Variants in FGF14 observed in about 807,000 individuals in gnomAD.
FGF14 encodes fibroblast growth factor homologous factor 4.
Under a neutral mutation model 25.5 loss-of-function variants are expected in FGF14, and 5 were observed. The observed-to-expected ratio is 0.20, with a 90% CI of 0.10 to 0.41. The LOEUF is 0.41. Among genes scored for constraint, FGF14 ranks in the 10% least tolerant of loss-of-function variants. The probability of loss-of-function intolerance (pLI) is 1.00; values close to 1 mark genes in which losing one functional copy is unlikely to be tolerated. For missense variants in FGF14, 222 were observed against 320.1 expected (o/e 0.69, Z 2.34); for synonymous variants, 138 against 118.3 (o/e 1.17, Z -1.08).
At chr13:101,886,110 T>G (rs2045976307) in intron 1 of FGF14, among the ~76,000 whole-genome samples, 1 of 152,184 alleles carries the variant, frequency 6.6e-6, no homozygotes, top group Admixed American at 6.5e-5. Flanking sequence ...CCTTAAAACA[T>G]TTACAGCTTT....
chr13:101,750,416 A>C (rs1188423092), intron 3 of FGF14, among the ~76,000 whole-genome samples: 2 of 152,220 alleles, frequency 1.3e-5, no homozygotes, highest in East Asian at 3.8e-4. Context: ...ATGAAAACAA[A>C]CTGCAAGTTA....
chr13:101,857,407 T>C (rs2044181370), intron 3 of FGF14, among the ~76,000 whole-genome samples: 1 of 152,016 alleles, frequency 6.6e-6, no homozygotes, highest in African/African-American at 2.4e-5. Context: ...ATGTGACTCA[T>C]CTCTCTTTAT....
At chr13:102,184,126 GAC>G (rs2048787433) in intron 1 of FGF14, among the ~76,000 whole-genome samples, 1 of 152,158 alleles carries the variant, frequency 6.6e-6, no homozygotes, top group African/African-American at 2.4e-5. Flanking sequence ...TGTACTCGTA[GAC>G]ACACAGCTGT....
chr13:101,772,105 C>T (rs1281324139), intron 3 of FGF14, among the ~76,000 whole-genome samples: 1 of 151,860 alleles, frequency 6.6e-6, no homozygotes, highest in East Asian at 1.9e-4. Flanking sequence ...CTTCCTAGAC[C>T]AGAGAAAATT....
intron 1 of FGF14, among the ~76,000 whole-genome samples, chr13:101,997,626 G>C (rs2039255100): frequency 6.6e-6 from 1 of 152,146 alleles, no homozygotes; most frequent in Non-Finnish European, 1.5e-5. Flanking sequence ...CTTCTAACAA[G>C]CTTCCAGGTG....
At chr13:101,999,982 G>C (rs1566553246) in intron 1 of FGF14, among the ~76,000 whole-genome samples, 1 of 152,078 alleles carries the variant, frequency 6.6e-6, no homozygotes, top group East Asian at 1.9e-4. Context: ...CTAAATACAT[G>C]ATATAAAACC....
At chr13:101,874,756 AAAAAC>A (rs1453721297) in intron 2 of FGF14, among the ~76,000 whole-genome samples, 1 of 152,250 alleles carries the variant, frequency 6.6e-6, no homozygotes, top group East Asian at 1.9e-4. Context: ...TATTATGTAA[AAAAAC>A]AAAACAAAAC....
intron 1 of FGF14, among the ~76,000 whole-genome samples, chr13:101,901,743 TCAAA>T (rs1346683224): frequency 2.0e-5 from 3 of 151,724 alleles, no homozygotes; most frequent in Non-Finnish European, 4.4e-5. Flanking sequence ...ACCCAACTAA[TCAAA>T]CAAACAGATA....
intron 1 of FGF14, among the ~76,000 whole-genome samples, chr13:101,961,493 G>A (rs2390694): frequency 0.045 from 6,906 of 152,210 alleles, 519 homozygotes; most frequent in African/African-American, 0.16. Context: ...AGATCAGGTG[G>A]TTGTAGGTGT....
chr13:102,379,827 G>A (rs2058138056), intron 1 of FGF14, among the ~76,000 whole-genome samples: 1 of 152,004 alleles, frequency 6.6e-6, no homozygotes, highest in Non-Finnish European at 1.5e-5. Context: ...AAAACAAAAG[G>A]TTTATCTTTT....
intron 1 of FGF14, among the ~76,000 whole-genome samples, chr13:102,311,794 T>C (rs762547694): frequency 1.3e-5 from 2 of 152,224 alleles, no homozygotes; most frequent in African/African-American, 2.4e-5. Context: ...CATCCCTTTA[T>C]GGTTCTTAGA....
intron 1 of FGF14, among the ~76,000 whole-genome samples, chr13:102,374,347 G>C (rs1440809390): frequency 3.3e-5 from 5 of 151,482 alleles, no homozygotes; most frequent in Non-Finnish European, 7.4e-5. Context: ...CAAAAATGTG[G>C]GTACTGAACA....
intron 1 of FGF14, among the ~76,000 whole-genome samples, chr13:102,052,269 G>A (rs1047809459): frequency 2.0e-5 from 3 of 152,044 alleles, no homozygotes; most frequent in African/African-American, 7.2e-5. Context: ...AACATCAACA[G>A]AGCAAATGTT....
At chr13:102,088,098 C>A (rs1434856197) in intron 1 of FGF14, among the ~76,000 whole-genome samples, 2 of 152,146 alleles carry the variant, frequency 1.3e-5, no homozygotes, top group Non-Finnish European at 2.9e-5. Flanking sequence ...GTAACAGGAA[C>A]TACAACCAGA....
rs547107211 is a variant in FGF14, at chr13:101,728,759, C to T, written c.409-1949G>A. ...TGCTGAGAGCTGACTTAGTGGGTCA[C>T]TTAGTGGAAGTCAGGGGAATCTGGC... On this transcript the variant is annotated intron_variant, in intron 3 of 4. Transcript: ENST00000376143. Among the ~76,000 whole-genome samples the T allele has an allele frequency of 3.3e-5, 5 of 152,254 alleles. 1 individual carries two copies. The highest frequency in any genetic ancestry group is 1.2e-4 in the African/African-American group (5 of 41,550).
At chr13:102,042,463 T>C (rs2140004519) in intron 1 of FGF14, among the ~76,000 whole-genome samples, 1 of 152,312 alleles carries the variant, frequency 6.6e-6, no homozygotes, top group South Asian at 2.1e-4. Flanking sequence ...CCTGTCACAG[T>C]AAGTACTTCC....
chr13:102,209,411 G>T (rs1477480901), intron 1 of FGF14, among the ~76,000 whole-genome samples: 1 of 152,170 alleles, frequency 6.6e-6, no homozygotes, highest in Non-Finnish European at 1.5e-5. Flanking sequence ...TGTTCTTCAT[G>T]AATTTTGCAT....
chr13:101,818,739 CAACTT>C (rs2140223566), intron 3 of FGF14, among the ~76,000 whole-genome samples: 1 of 152,236 alleles, frequency 6.6e-6, no homozygotes, highest in South Asian at 2.1e-4. Context: ...GAGAGTAACA[CAACTT>C]AACTAACTTA....
chr13:101,732,336 T>A (rs951418875), intron 3 of FGF14, among the ~76,000 whole-genome samples: 1 of 152,112 alleles, frequency 6.6e-6, no homozygotes, highest in African/African-American at 2.4e-5. Context: ...CTGAACACAA[T>A]CATAACATTT....
Sources: gnomAD v4.1 joint callset for allele counts (sites outside exome capture counted in the v4.1 genomes callset) on GRCh38, gnomAD v4.1.1 for gene constraint, MANE v1.5 for transcripts, NCBI Gene and HGNC (gene_info 2026-07-23, HGNC 2026-07-21) for gene names.